PALM2AKAP2: variants seen among roughly 807,000 people sequenced by gnomAD.
PALM2AKAP2 encodes the protein PALM2-AKAP2 fusion protein.
In PALM2AKAP2, 37 loss-of-function variants were observed where a neutral mutation model predicts 71.5. That is an observed-to-expected ratio of 0.52 (90% CI 0.40 to 0.68). The LOEUF is 0.68. PALM2AKAP2 is among the 30% of genes least tolerant of loss of function. The probability of loss-of-function intolerance (pLI) is 0.00; values close to 1 mark genes in which losing one functional copy is unlikely to be tolerated. For missense variants in PALM2AKAP2, 1,224 were observed against 1,191.8 expected (o/e 1.03, Z -0.40); for synonymous variants, 468 against 478.8 (o/e 0.98, Z 0.29).
chr9:109,656,885 A>G (rs1183896533), intron 1 of PALM2AKAP2, among the ~76,000 whole-genome samples: 1 of 152,202 alleles, frequency 6.6e-6, no homozygotes, highest in Non-Finnish European at 1.5e-5. Context: ...CTTTCCTTTC[A>G]TCTTAGCCTC....
At chr9:109,838,461 A>G (rs1322076118) in intron 1 of PALM2AKAP2, among the ~76,000 whole-genome samples, 1 of 152,240 alleles carries the variant, frequency 6.6e-6, no homozygotes, top group African/African-American at 2.4e-5. Context: ...CATCACAATT[A>G]AAAGAACTAG....
chr9:110,025,204 A>G, intron 7 of PALM2AKAP2: 11 of 1,305,712 alleles, frequency 8.4e-6, no homozygotes, highest in East Asian at 2.3e-5. Flanking sequence ...CTTGTGGGGC[A>G]TTCCTTTTTG....
intron 6 of PALM2AKAP2, among the ~76,000 whole-genome samples, chr9:109,942,273 C>T (rs12684828): frequency 0.43 from 65,973 of 152,042 alleles, 16,374 homozygotes; most frequent in East Asian, 0.74. Flanking sequence ...GAGGTTTTTT[C>T]ATTTATTTAA....
intron 7 of PALM2AKAP2, among the ~76,000 whole-genome samples, chr9:110,033,573 TAA>T (rs1833325599): frequency 6.6e-6 from 1 of 152,226 alleles, no homozygotes; most frequent in South Asian, 2.1e-4. Flanking sequence ...TTTGAGAAGG[TAA>T]AGACTTTATA....
At chr9:109,829,673 C>T (rs1466635883) in intron 1 of PALM2AKAP2, among the ~76,000 whole-genome samples, 1 of 151,494 alleles carries the variant, frequency 6.6e-6, no homozygotes, top group Non-Finnish European at 1.5e-5. Flanking sequence ...ATCAGGGCTA[C>T]ACATCCTCTC....
At chr9:109,857,723 G>A (rs1418228338) in intron 1 of PALM2AKAP2, among the ~76,000 whole-genome samples, 1 of 152,128 alleles carries the variant, frequency 6.6e-6, no homozygotes, top group Non-Finnish European at 1.5e-5. Context: ...TTAGCTCAAG[G>A]GCACTTCCCT....
intron 1 of PALM2AKAP2, among the ~76,000 whole-genome samples, chr9:109,657,251 T>C (rs1459984358): frequency 6.6e-6 from 1 of 152,256 alleles, no homozygotes. Flanking sequence ...TATGATATTT[T>C]GCTTCTTCAG....
chr9:110,143,094 G>A (rs1836075038), intron 2 of PALM2AKAP2, among the ~76,000 whole-genome samples: 1 of 147,238 alleles, frequency 6.8e-6, no homozygotes, highest in Non-Finnish European at 1.5e-5. Flanking sequence ...GTGTGCATGT[G>A]TGCCCTCTGC....
At chr9:109,678,957 T>C (rs1002487017) in intron 1 of PALM2AKAP2, among the ~76,000 whole-genome samples, 16 of 152,034 alleles carry the variant, frequency 1.1e-4, no homozygotes, top group African/African-American at 3.6e-4. Context: ...GAAAATGCAA[T>C]AGGGCAAAGG....
At chr9:109,863,790 T>C (rs998704474) in intron 1 of PALM2AKAP2, among the ~76,000 whole-genome samples, 3 of 152,088 alleles carry the variant, frequency 2.0e-5, no homozygotes, top group Non-Finnish European at 4.4e-5. Context: ...TTTAAGACCA[T>C]CACTATGGGC....
chr9:109,968,851 A>G (rs1029695691), intron 6 of PALM2AKAP2, among the ~76,000 whole-genome samples: 4 of 152,224 alleles, frequency 2.6e-5, no homozygotes, highest in Non-Finnish European at 5.9e-5. Flanking sequence ...CATTAGAAGA[A>G]TCTCAGGATT....
At chr9:109,991,521 GAGCCACCACACTT>G (rs1345826376) in intron 6 of PALM2AKAP2, among the ~76,000 whole-genome samples, 2 of 152,080 alleles carry the variant, frequency 1.3e-5, no homozygotes, top group African/African-American at 4.8e-5. Flanking sequence ...TTACAGGCGT[GAGCCACCACACTT>G]AGCCACCACA....
At chr9:110,105,036 A>G (rs918087616) in intron 1 of PALM2AKAP2, among the ~76,000 whole-genome samples, 1 of 152,246 alleles carries the variant, frequency 6.6e-6, no homozygotes, top group African/African-American at 2.4e-5. Context: ...GTGTCATCCT[A>G]CAGAGTAACC....
intron 1 of PALM2AKAP2, among the ~76,000 whole-genome samples, chr9:109,673,086 G>A (rs1043374169): frequency 6.6e-6 from 1 of 151,618 alleles, no homozygotes; most frequent in African/African-American, 2.4e-5. Flanking sequence ...TTGTGTACGT[G>A]TGTGTGTGTC....
intron 1 of PALM2AKAP2, among the ~76,000 whole-genome samples, chr9:109,680,348 T>C (rs1827710653): frequency 6.6e-6 from 1 of 152,222 alleles, no homozygotes; most frequent in Non-Finnish European, 1.5e-5. Context: ...GGTGTATAGA[T>C]GAGTGATGTC....
rs148255857 is a variant in PALM2AKAP2 at position 109,890,078 on chromosome 9, C to G, written c.257+9397C>G. Among the ~76,000 whole-genome samples, 337 of 152,348 alleles carry G rather than the reference C, an allele frequency of 2.2e-3. 2 individuals carry two copies. The highest frequency in any genetic ancestry group is 7.7e-3 in the African/African-American group (322 of 41,582). ...TGGCTTGTAACGTGGTCATTTCCAA[C>G]CGTTCTACATTCTTGATGAAATGAA... On this transcript the variant is annotated intron_variant, in intron 3 of 9. Coordinates refer to the PALM2AKAP2 transcript ENST00000302798.
intron 1 of PALM2AKAP2, among the ~76,000 whole-genome samples, chr9:109,705,297 T>A (rs1358545757): frequency 6.6e-6 from 1 of 152,230 alleles, no homozygotes; most frequent in East Asian, 1.9e-4. Flanking sequence ...CCTGTGTTAC[T>A]GGATGCCATT....
chr9:110,170,024 C>T (rs4978878), exon 4 of PALM2AKAP2: 1 of 152,516 alleles, frequency 6.6e-6, no homozygotes, highest in African/African-American at 2.4e-5. Context: ...AAGTTTTGAG[C>T]GGTTTTGTAA....
intron 3 of PALM2AKAP2, among the ~76,000 whole-genome samples, chr9:109,918,538 C>T (rs1376246269): frequency 1.3e-5 from 2 of 152,218 alleles, no homozygotes; most frequent in East Asian, 3.8e-4. Context: ...ATTACACTTC[C>T]TGCCCATTCT....
Sources: gnomAD v4.1 joint callset for allele counts (sites outside exome capture counted in the v4.1 genomes callset) on GRCh38, gnomAD v4.1.1 for gene constraint, MANE v1.5 for transcripts, NCBI Gene and HGNC (gene_info 2026-07-23, HGNC 2026-07-21) for gene names.